The following COL25A1 variants were observed in gnomAD, a reference collection of about 807,000 sequenced individuals.
The protein encoded by COL25A1 is collagen type XXV alpha 1 chain.
Under a neutral mutation model 128.4 loss-of-function variants are expected in COL25A1, and 103 were observed. That is an observed-to-expected ratio of 0.80 (90% CI 0.68 to 0.94). The LOEUF (loss-of-function observed/expected upper bound fraction) is 0.94, where lower values mean the gene tolerates loss of function less well. COL25A1 is among the 40% of genes least tolerant of loss of function. COL25A1 has a pLI of 0.00. For missense variants in COL25A1, 745 were observed against 840.0 expected, an observed-to-expected ratio of 0.89 and a Z score of 1.40; for synonymous variants, 279 against 277.2, an observed-to-expected ratio of 1.01 and a Z score of -0.06.
chr4:109,050,010 C>T (rs1760833868), intron 4 of COL25A1, 125 bp downstream of exon 4: 1 of 631,248 alleles, frequency 1.6e-6, no homozygotes, highest in South Asian at 3.0e-5. Context: ...CTAGGTCTAG[C>T]AGAGAAAGAT....
chr4:108,848,700 A>C lies in COL25A1; in HGVS notation c.1434+59T>G, dbSNP rs1257493890. ...CATGACATTTTGGCTTCAAACCTACAATAAAAGTAGTAATCAAGAATGATG... is the reference window on the plus strand; with the variant it reads ...CATGACATTTTGGCTTCAAACCTACCATAAAAGTAGTAATCAAGAATGATG... On this transcript the variant is annotated intron_variant, in intron 27 of 37. Coordinates refer to ENST00000399132, the MANE Select transcript of COL25A1 (RefSeq NM_198721.4). 3 of 1,241,366 alleles carry C rather than the reference A, an allele frequency of 2.4e-6. No individual in the cohort carries two copies. The African/African-American group carries it at 4.4e-5, about 18-fold the overall frequency. The allele number at this position is 1,241,366 out of a possible 1,614,324, so 76.9% of individuals were successfully genotyped here. A position where few individuals can be genotyped will look rare whatever the true frequency, so the allele number is the denominator to read the frequency against.
chr4:109,000,127 G>C (rs1755202734), intron 6 of COL25A1, among the ~76,000 whole-genome samples: 1 of 151,480 alleles, frequency 6.6e-6, no homozygotes, highest in Admixed American at 6.6e-5. Flanking sequence ...ATAAAAAAAA[G>C]CTCTGCAAAA....
chr4:108,942,045 T>C (rs1393739929), intron 8 of COL25A1, among the ~76,000 whole-genome samples: 3 of 152,186 alleles, frequency 2.0e-5, no homozygotes, highest in East Asian at 1.9e-4. Context: ...ACCCTCTTAA[T>C]AGATATTTGA....
At chr4:109,290,607 T>A (rs1724374678) in intron 3 of COL25A1, among the ~76,000 whole-genome samples, 1 of 152,100 alleles carries the variant, frequency 6.6e-6, no homozygotes, top group Non-Finnish European at 1.5e-5. Flanking sequence ...GAAGGAAATT[T>A]AGGAAATACA....
chr4:109,138,718 T>G (rs183543243), intron 3 of COL25A1, among the ~76,000 whole-genome samples: 116 of 151,902 alleles, frequency 7.6e-4, no homozygotes, highest in African/African-American at 2.7e-3. Context: ...TTGTTTTTTG[T>G]TTTTTTTGAG....
chr4:108,938,602 C>A (rs1379470606), intron 10 of COL25A1, among the ~76,000 whole-genome samples: 3 of 152,096 alleles, frequency 2.0e-5, no homozygotes, highest in African/African-American at 4.8e-5. Flanking sequence ...ACAAAAAAAT[C>A]TTTTTCCACT....
chr4:109,069,937 T>C (rs1762771572), intron 3 of COL25A1, among the ~76,000 whole-genome samples: 1 of 151,232 alleles, frequency 6.6e-6, no homozygotes, highest in Admixed American at 6.6e-5. Context: ...AACTATATAA[T>C]AGGAAATTTC....
intron 3 of COL25A1, among the ~76,000 whole-genome samples, chr4:109,138,764 A>G (rs919879010): frequency 9.2e-5 from 14 of 151,906 alleles, no homozygotes; most frequent in Non-Finnish European, 1.6e-4. Flanking sequence ...CTGAAGGTGC[A>G]GTGGCACGAT....
chr4:109,248,004 A>G (rs1447776692), intron 3 of COL25A1, among the ~76,000 whole-genome samples: 2 of 152,192 alleles, frequency 1.3e-5, no homozygotes, highest in Non-Finnish European at 1.5e-5. Context: ...AACAGAGTCA[A>G]TTGCTAAAAG....
chr4:108,843,889 C>CTATTAT (rs5860951), intron 30 of COL25A1, among the ~76,000 whole-genome samples: 9 of 149,264 alleles, frequency 6.0e-5, no homozygotes, highest in African/African-American at 1.5e-4. Flanking sequence ...GCTATTATTA[C>CTATTAT]TATTATTATT....
intron 26 of COL25A1, among the ~76,000 whole-genome samples, chr4:108,849,731 G>C (rs914464463): frequency 1.3e-5 from 2 of 152,138 alleles, no homozygotes; most frequent in African/African-American, 2.4e-5. Context: ...TGAGAGGCCT[G>C]CCTCACAGAC....
At chr4:108,928,290 G>A (rs1746309437) in intron 11 of COL25A1, among the ~76,000 whole-genome samples, 1 of 152,048 alleles carries the variant, frequency 6.6e-6, no homozygotes, top group African/African-American at 2.4e-5. Flanking sequence ...CACAGAAAAA[G>A]TTCTTAAATT....
At chr4:109,097,005 T>C (rs1022413701) in intron 3 of COL25A1, among the ~76,000 whole-genome samples, 1 of 152,086 alleles carries the variant, frequency 6.6e-6, no homozygotes, top group Non-Finnish European at 1.5e-5. Context: ...AACAGAACAA[T>C]AGGAAAAAAG....
intron 19 of COL25A1, among the ~76,000 whole-genome samples, chr4:108,878,903 T>C (rs1400174749): frequency 6.6e-6 from 1 of 152,218 alleles, no homozygotes; most frequent in African/African-American, 2.4e-5. Context: ...GAAATAATTA[T>C]AAGTAACGAT....
rs758901195 is a variant in COL25A1, at chr4:108,817,392, C to T, written c.1962+5G>A. 15 of 1,613,178 alleles carry T rather than the reference C, an allele frequency of 9.3e-6. No homozygotes were observed. The highest frequency in any genetic ancestry group is 1.3e-5 in the African/African-American group (1 of 75,000). On this transcript the variant is annotated splice_donor_5th_base_variant and intron_variant, in intron 37 of 37. Transcript: ENST00000399132. ...TCTTTTGAGAAATTATTCAGTAAAG[C>T]CTACCTTTTGCCAACAGCCAGGCAT...
chr4:109,259,814 C>G (rs1308481111), intron 3 of COL25A1, among the ~76,000 whole-genome samples: 1 of 152,194 alleles, frequency 6.6e-6, no homozygotes, highest in Non-Finnish European at 1.5e-5. Context: ...TCTCTGGCAT[C>G]TATACCTTCC....
intron 6 of COL25A1, among the ~76,000 whole-genome samples, chr4:109,001,174 C>T (rs1288485678): frequency 6.6e-6 from 1 of 152,044 alleles, no homozygotes; most frequent in Non-Finnish European, 1.5e-5. Flanking sequence ...GTGACATAAT[C>T]AGAACTATGA....
At chr4:108,852,138 T>C in intron 26 of COL25A1, 98 bp downstream of exon 26, 1 of 957,890 alleles carries the variant, frequency 1.0e-6, no homozygotes. Flanking sequence ...CTCAGCTTCT[T>C]CAGCATTTTG....
At chr4:109,092,212 T>C (rs1241864645) in intron 3 of COL25A1, among the ~76,000 whole-genome samples, 3 of 152,166 alleles carry the variant, frequency 2.0e-5, no homozygotes, top group Non-Finnish European at 2.9e-5. Flanking sequence ...AGAAGTTAAG[T>C]AATCTGTAAT....
Sources: allele counts gnomAD v4.1 joint callset (sites outside exome capture counted in the v4.1 genomes callset), GRCh38; gene constraint gnomAD v4.1.1; transcripts MANE v1.5; gene names NCBI Gene and HGNC (gene_info 2026-07-23, HGNC 2026-07-21).